The following RHBDD1 variants were observed in gnomAD, a reference collection of about 807,000 sequenced individuals.
RHBDD1 encodes rhomboid-related protein 4.
Under a neutral mutation model 36.3 loss-of-function variants are expected in RHBDD1, and 38 were observed. The ratio of observed to expected loss-of-function variants is 1.05; its 90% confidence interval spans 0.81 to 1.37. The LOEUF (loss-of-function observed/expected upper bound fraction) is 1.37. Ranked by LOEUF, RHBDD1 falls within the 40% of genes most tolerant of loss-of-function variation. The pLI, the probability that RHBDD1 is intolerant of heterozygous loss-of-function variation, is 0.00. For synonymous variants in RHBDD1, 151 were observed against 136.5 expected (o/e 1.11, Z -0.74); for missense variants, 393 against 377.6 (o/e 1.04, Z -0.34).
At chr2:226,844,723 C>G (rs539323102) in intron 3 of RHBDD1, among the ~76,000 whole-genome samples, 9 of 152,234 alleles carry the variant, frequency 5.9e-5, no homozygotes, top group African/African-American at 2.2e-4. Flanking sequence ...AAACCTAGGT[C>G]TGAAGGGCTG....
At position 226,904,560 on chromosome 2, in the gene RHBDD1, C is replaced by T. The variant is rs115950937; in HGVS notation, c.567-2233C>T. 7.6e-3 allele frequency among the ~76,000 whole-genome samples: 1,151 copies of T among 152,210 alleles called. 17 individuals carry two copies. Among genetic ancestry groups the T allele is most frequent in the African/African-American group, 0.026 (1,082 of 41,510 alleles). ...CATGCATGTGCCATGACTTTTAGCA[C>T]GTGTGCATGTATGTGAGGGCTTGTC... On this transcript the variant is annotated intron_variant, in intron 5 of 8. Coordinates refer to ENST00000392062, the MANE Select transcript of RHBDD1 (RefSeq NM_001167608.3).
intron 5 of RHBDD1, among the ~76,000 whole-genome samples, chr2:226,898,263 C>A (rs1325353979): frequency 6.6e-6 from 1 of 152,174 alleles, no homozygotes. Flanking sequence ...GGCGTAGGGA[C>A]ATGGAATTGA....
chr2:226,824,751 G>A, the RHBDD1 span, among the ~76,000 whole-genome samples: 5 of 152,100 alleles, frequency 3.3e-5, no homozygotes, highest in African/African-American at 1.2e-4. Flanking sequence ...TCACCATCAG[G>A]GCTGAACAGA....
chr2:226,987,341 A>T (rs1338580695), intron 8 of RHBDD1, among the ~76,000 whole-genome samples: 2 of 146,896 alleles, frequency 1.4e-5, no homozygotes, highest in African/African-American at 2.5e-5. Context: ...TTAAAGTATA[A>T]AAAAAAAAAA....
intron 5 of RHBDD1, among the ~76,000 whole-genome samples, chr2:226,893,828 C>T (rs962630487): frequency 2.6e-5 from 4 of 152,116 alleles, no homozygotes; most frequent in Middle Eastern, 3.4e-3. Context: ...CAGACCTCCA[C>T]GATAAAAATA....
intron 5 of RHBDD1, among the ~76,000 whole-genome samples, chr2:226,902,162 T>C (rs993737123): frequency 1.3e-5 from 2 of 152,216 alleles, no homozygotes; most frequent in Admixed American, 6.5e-5. Context: ...GATGGCATCT[T>C]CCACGTGGAG....
intron 8 of RHBDD1, among the ~76,000 whole-genome samples, chr2:226,990,025 C>T (rs558467697): frequency 1.3e-5 from 2 of 152,276 alleles, no homozygotes; most frequent in South Asian, 2.1e-4. Flanking sequence ...TTACCTTTCT[C>T]GTAAACCAAA....
chr2:226,844,067 G>T (rs903391007), intron 3 of RHBDD1, among the ~76,000 whole-genome samples: 7 of 152,280 alleles, frequency 4.6e-5, no homozygotes, highest in African/African-American at 1.4e-4. Context: ...GTGCATAAAG[G>T]TCAGCAGCTA....
In RHBDD1 at chr2:226,844,481, C is replaced by T. The variant is rs530592173; in HGVS notation, c.-91+4854C>T. Among the ~76,000 whole-genome samples the T allele has an allele frequency of 1.6e-4, 24 of 152,284 alleles. No individual in the cohort carries two copies. In the South Asian group the frequency reaches 5.0e-3, roughly 32 times the overall value. On this transcript the variant is annotated intron_variant, in intron 3 of 8. Transcript: ENST00000392062. ...CATGGCATGCTTTTCCCCCTTTTCA[C>T]TAGTTGTTGTGCAGGGAAGACTTGA...
chr2:226,969,747 A>C (rs1953085401), intron 8 of RHBDD1, among the ~76,000 whole-genome samples: 2 of 152,228 alleles, frequency 1.3e-5, no homozygotes, highest in South Asian at 2.1e-4. Context: ...TAAGTCATTA[A>C]AAAGTTATTT....
At chr2:226,928,586 G>A (rs766905318) in intron 8 of RHBDD1, among the ~76,000 whole-genome samples, 3 of 151,842 alleles carry the variant, frequency 2.0e-5, no homozygotes, top group South Asian at 2.1e-4. Context: ...AATGTCACAC[G>A]TCAAGGAAGT....
the RHBDD1 span, among the ~76,000 whole-genome samples, chr2:226,825,635 A>G: frequency 6.6e-6 from 1 of 152,262 alleles, no homozygotes; most frequent in Non-Finnish European, 1.5e-5. Context: ...TTAATAAAAC[A>G]ATGGAAACAA....
intron 8 of RHBDD1, among the ~76,000 whole-genome samples, chr2:226,959,142 C>G (rs769064108): frequency 1.3e-5 from 2 of 152,088 alleles, no homozygotes; most frequent in Non-Finnish European, 2.9e-5. Context: ...GGTTTCATAA[C>G]TGAAATCTGG....
intron 3 of RHBDD1, among the ~76,000 whole-genome samples, chr2:226,850,512 T>G (rs938432898): frequency 6.6e-6 from 1 of 152,282 alleles, no homozygotes; most frequent in African/African-American, 2.4e-5. Context: ...TCTGGAGTTT[T>G]GAACTTGTTT....
At chr2:226,916,551 T>A (rs1199163669) in intron 8 of RHBDD1, among the ~76,000 whole-genome samples, 1 of 152,138 alleles carries the variant, frequency 6.6e-6, no homozygotes, top group Non-Finnish European at 1.5e-5. Context: ...TGACTTCAAA[T>A]AAAGTCAAAA....
chr2:226,813,452 G>A, the RHBDD1 span, among the ~76,000 whole-genome samples: 1 of 152,062 alleles, frequency 6.6e-6, no homozygotes, highest in African/African-American at 2.4e-5. Context: ...GGAGACAGGG[G>A]GGCTATTGTC....
At chr2:226,877,519 T>C (rs552310454) in intron 5 of RHBDD1, among the ~76,000 whole-genome samples, 1 of 151,954 alleles carries the variant, frequency 6.6e-6, no homozygotes, top group South Asian at 2.1e-4. Flanking sequence ...AAAGGCTTGC[T>C]TTATTTTTTT....
the RHBDD1 span, among the ~76,000 whole-genome samples, chr2:226,826,363 A>C: frequency 0.014 from 2,080 of 152,288 alleles, 41 homozygotes; most frequent in African/African-American, 0.048. Flanking sequence ...AGAGTTGATT[A>C]GTGAAAATTG....
At chr2:226,817,329 T>C in the RHBDD1 span, among the ~76,000 whole-genome samples, 5 of 152,212 alleles carry the variant, frequency 3.3e-5, no homozygotes, top group African/African-American at 1.2e-4. Context: ...TAAATGATTG[T>C]TCAGTTCAGT....
Sources: allele counts gnomAD v4.1 joint callset (sites outside exome capture counted in the v4.1 genomes callset), GRCh38; gene constraint gnomAD v4.1.1; transcripts MANE v1.5; gene names NCBI Gene and HGNC (gene_info 2026-07-23, HGNC 2026-07-21).